The following KIAA1217 variants were observed in gnomAD, a reference collection of about 807,000 sequenced individuals.
The protein encoded by KIAA1217 is sickle tail protein homolog.
KIAA1217 carries 88 observed loss-of-function variants against 163.9 expected under a neutral mutation model. That is an observed-to-expected ratio of 0.54 (90% CI 0.45 to 0.64). The LOEUF is 0.64. Among genes scored for constraint, KIAA1217 ranks in the 30% least tolerant of loss-of-function variants. The pLI is 0.00. For synonymous variants in KIAA1217, 903 were observed against 923.1 expected (o/e 0.98, Z 0.39); for missense variants, 2,372 against 2,475.0 (o/e 0.96, Z 0.88).
At chr10:24,138,556 G>A (rs2063924262) in intron 2 of KIAA1217, among the ~76,000 whole-genome samples, 1 of 149,554 alleles carries the variant, frequency 6.7e-6, no homozygotes, top group African/African-American at 2.5e-5. Context: ...CAGTTTTATT[G>A]ATGATACAGT....
At chr10:23,988,700 G>A (rs1220167684) in intron 1 of KIAA1217, among the ~76,000 whole-genome samples, 3 of 152,188 alleles carry the variant, frequency 2.0e-5, no homozygotes, top group African/African-American at 7.2e-5. Flanking sequence ...GAACTATACA[G>A]TGTCAGCCTA....
At chr10:24,270,667 A>C (rs1170740733) in intron 2 of KIAA1217, among the ~76,000 whole-genome samples, 4 of 152,114 alleles carry the variant, frequency 2.6e-5, no homozygotes, top group African/African-American at 9.7e-5. Flanking sequence ...CAGCCGCCTA[A>C]GTAACTGAGA....
At chr10:24,095,443 A>G (rs1357923449) in intron 2 of KIAA1217, among the ~76,000 whole-genome samples, 2 of 152,134 alleles carry the variant, frequency 1.3e-5, no homozygotes, top group Admixed American at 1.3e-4. Context: ...TCCATAGCTT[A>G]CTGCATCCAA....
rs1210731433 is a variant in KIAA1217 at position 24,545,938 on chromosome 10, C to T, written c.5446C>T (p.Pro1816Ser). The part of the protein sequence containing the change: ...SPSSGKSSSL[P>S]SSSGDSSNLP... ...CAGCTCTGGGAAAAGCAGTTCTCTG[C>T]CCTCTTCTAGTGGTGACAGCTCTAA... is the stretch of plus-strand genomic sequence containing the variant. The change falls in exon 21 of 21, where the codon CCC becomes TCC. Residue 1816 changes from proline to serine, a missense_variant. Transcript: ENST00000376454. The T allele has an allele frequency of 6.2e-7, 1 of 1,614,052 alleles. No homozygotes were observed. Among genetic ancestry groups the T allele is most frequent in the Non-Finnish European group, 8.5e-7 (1 of 1,180,040 alleles).
At chr10:24,048,602 C>G (rs565184508) in intron 2 of KIAA1217, among the ~76,000 whole-genome samples, 1 of 151,870 alleles carries the variant, frequency 6.6e-6, no homozygotes, top group East Asian at 1.9e-4. Flanking sequence ...TGGTGGCAGC[C>G]GCCTGTAATC....
chr10:23,802,112 A>T (rs1836494681), intron 1 of KIAA1217, among the ~76,000 whole-genome samples: 1 of 152,166 alleles, frequency 6.6e-6, no homozygotes, highest in South Asian at 2.1e-4. Context: ...AGCTGATAGC[A>T]GAATATGGGG....
chr10:24,418,263 A>G (rs1448316802), intron 3 of KIAA1217, among the ~76,000 whole-genome samples: 1 of 152,020 alleles, frequency 6.6e-6, no homozygotes, highest in Admixed American at 6.6e-5. Flanking sequence ...CCCAGCCAAC[A>G]CTGTTTCCTT....
intron 1 of KIAA1217, among the ~76,000 whole-genome samples, chr10:23,857,252 G>T (rs1255159814): frequency 6.6e-6 from 1 of 152,164 alleles, no homozygotes; most frequent in Non-Finnish European, 1.5e-5. Flanking sequence ...ATAGACTTCA[G>T]GGGTCAGAAC....
At chr10:23,939,007 A>C (rs1843649176) in intron 1 of KIAA1217, among the ~76,000 whole-genome samples, 1 of 152,222 alleles carries the variant, frequency 6.6e-6, no homozygotes, top group African/African-American at 2.4e-5. Flanking sequence ...TATCCCATAG[A>C]GTCAAGAAAG....
chr10:24,397,108 CTTTTT>C (rs34660362), intron 3 of KIAA1217, among the ~76,000 whole-genome samples: 2 of 114,738 alleles, frequency 1.7e-5, no homozygotes, highest in Non-Finnish European at 3.5e-5. Context: ...GTAAGAAACT[CTTTTT>C]TTTTTTTTTT....
chr10:24,185,320 C>G (rs1268404018), intron 2 of KIAA1217, among the ~76,000 whole-genome samples: 1 of 152,198 alleles, frequency 6.6e-6, no homozygotes, highest in Non-Finnish European at 1.5e-5. Flanking sequence ...TTGGTTAAGG[C>G]TTAATGAGAA....
intron 1 of KIAA1217, among the ~76,000 whole-genome samples, chr10:23,919,857 C>T (rs1045549611): frequency 1.3e-5 from 2 of 152,172 alleles, no homozygotes; most frequent in South Asian, 4.1e-4. Context: ...CCCATGACAC[C>T]TTTCTCCTTG....
At chr10:24,189,972 G>C (rs1013620659) in intron 2 of KIAA1217, among the ~76,000 whole-genome samples, 2 of 150,940 alleles carry the variant, frequency 1.3e-5, no homozygotes, top group Admixed American at 1.3e-4. Context: ...AGTGAGCTGT[G>C]ATCATACCAC....
intron 1 of KIAA1217, among the ~76,000 whole-genome samples, chr10:23,856,610 G>A (rs1253352167): frequency 2.6e-5 from 4 of 152,252 alleles, no homozygotes; most frequent in African/African-American, 9.6e-5. Context: ...CCTGTGCCCA[G>A]AGGTGGAGCC....
chr10:24,424,064 T>C (rs1361919654), intron 3 of KIAA1217, among the ~76,000 whole-genome samples: 1 of 151,078 alleles, frequency 6.6e-6, no homozygotes, highest in East Asian at 1.9e-4. Flanking sequence ...AGTAAAGTTA[T>C]TCCAAATTTT....
At chr10:24,430,568 C>T (rs993452401) in intron 3 of KIAA1217, among the ~76,000 whole-genome samples, 22 of 151,866 alleles carry the variant, frequency 1.4e-4, no homozygotes, top group Non-Finnish European at 2.9e-4. Flanking sequence ...TTATACAACG[C>T]ACCATAATGT....
chr10:23,859,577 G>A (rs1839861461), intron 1 of KIAA1217, among the ~76,000 whole-genome samples: 1 of 152,150 alleles, frequency 6.6e-6, no homozygotes, highest in Non-Finnish European at 1.5e-5. Context: ...GTCAGACTAT[G>A]GCTGTAGTGA....
chr10:23,963,836 T>C (rs1267194124), intron 1 of KIAA1217, among the ~76,000 whole-genome samples: 1 of 152,132 alleles, frequency 6.6e-6, no homozygotes, highest in East Asian at 1.9e-4. Context: ...TATCTCATTG[T>C]GGTTTTGATT....
intron 3 of KIAA1217, among the ~76,000 whole-genome samples, chr10:24,416,301 C>A (rs939918802): frequency 3.3e-5 from 5 of 152,306 alleles, no homozygotes; most frequent in Admixed American, 3.3e-4. Context: ...CAAAAATAAT[C>A]AGATCCCTGC....
Sources: gnomAD v4.1 joint callset for allele counts (sites outside exome capture counted in the v4.1 genomes callset) on GRCh38, gnomAD v4.1.1 for gene constraint, MANE v1.5 for transcripts, NCBI Gene and HGNC (gene_info 2026-07-23, HGNC 2026-07-21) for gene names.